The following DCP1B variants were observed in gnomAD, a reference collection of about 807,000 sequenced individuals.
The protein encoded by DCP1B is decapping mRNA 1B, also known as mRNA-decapping enzyme 1B.
Under a neutral mutation model 60.5 loss-of-function variants are expected in DCP1B, and 47 were observed. That is an observed-to-expected ratio of 0.78 (90% CI 0.61 to 0.99). The LOEUF (loss-of-function observed/expected upper bound fraction) is 0.99, where lower values mean the gene tolerates loss of function less well. DCP1B is among the 50% of genes least tolerant of loss of function. The probability of loss-of-function intolerance (pLI) is 0.00; values close to 1 mark genes in which losing one functional copy is unlikely to be tolerated. For synonymous variants in DCP1B, 267 were observed against 280.3 expected (o/e 0.95, Z 0.47); for missense variants, 725 against 756.8 (o/e 0.96, Z 0.49).
chr12:2,003,597 A>G (rs2042682686), intron 1 of DCP1B, among the ~76,000 whole-genome samples: 1 of 152,204 alleles, frequency 6.6e-6, no homozygotes, highest in Non-Finnish European at 1.5e-5. Context: ...TCATTCCATT[A>G]CCATTTACTG....
At chr12:1,993,105 T>G (rs112637373) in intron 3 of DCP1B, 159 bp downstream of exon 3, 30,720 of 914,846 alleles carry the variant, frequency 0.034, 693 homozygotes, top group Middle Eastern at 0.08. Context: ...TATTCCATCA[T>G]TAGGGCATGC....
intron 3 of DCP1B, among the ~76,000 whole-genome samples, chr12:1,986,395 G>A (rs77778833): frequency 6.6e-6 from 1 of 152,070 alleles, no homozygotes; most frequent in South Asian, 2.1e-4. Flanking sequence ...TTATCTCAGG[G>A]TTTTAGACTC....
At chr12:1,953,674 A>C (rs1024603714) in intron 6 of DCP1B, among the ~76,000 whole-genome samples, 8 of 152,248 alleles carry the variant, frequency 5.3e-5, no homozygotes, top group African/African-American at 1.9e-4. Flanking sequence ...ACAAAGGAAT[A>C]TAAGCATTTC....
intron 4 of DCP1B, chr12:1,966,106 C>G (rs187439262): frequency 6.4e-6 from 1 of 156,986 alleles, no homozygotes; most frequent in Non-Finnish European, 1.4e-5. Context: ...GAAGAGTTTG[C>G]CAACTCCTCA....
At chr12:1,994,989 G>A (rs1192899945) in intron 2 of DCP1B, among the ~76,000 whole-genome samples, 10 of 147,318 alleles carry the variant, frequency 6.8e-5, no homozygotes, top group African/African-American at 2.3e-4. Flanking sequence ...GGATCTGGGA[G>A]GTTTTTGTTT....
Position 1,955,452 on chromosome 12 carries a change from G to T in DCP1B, c.631C>A (p.Arg211Ser). 6.2e-7 allele frequency: 1 copy of T among 1,613,566 alleles called. No individual in the cohort carries two copies. The highest frequency in any genetic ancestry group is 8.5e-7 in the Non-Finnish European group (1 of 1,179,622). Residue 211 changes from arginine (R) to serine (S), a missense_variant, in exon 6 of 9, where the codon CGT (arginine) becomes AGT (serine). Transcript: ENST00000280665. ...PVKPSENQQQ[R>S]IPQPNQTLDP... is the part of the protein sequence containing the mutation. ...CGTACCTGGTTGGGCTGAGGTATAC[G>T]CTGTTGCTGGTTTTCACTGGGTTTC...
intron 5 of DCP1B, among the ~76,000 whole-genome samples, chr12:1,958,492 T>C (rs1364150868): frequency 2.2e-5 from 3 of 138,336 alleles, no homozygotes; most frequent in Non-Finnish European, 3.1e-5. Flanking sequence ...ATAAACCTCC[T>C]GGAAGAAGAC....
intron 3 of DCP1B, among the ~76,000 whole-genome samples, chr12:1,976,968 G>T (rs1466834259): frequency 6.6e-6 from 1 of 152,078 alleles, no homozygotes; most frequent in Non-Finnish European, 1.5e-5. Context: ...AGAAGATTAG[G>T]AACTACTATT....
intron 5 of DCP1B, among the ~76,000 whole-genome samples, chr12:1,958,601 T>C (rs1278474736): frequency 6.7e-6 from 1 of 149,792 alleles, no homozygotes; most frequent in African/African-American, 2.5e-5. Flanking sequence ...CTCTGGGCAA[T>C]GACTTTTTCT....
At position 1,955,528 on chromosome 12, in the gene DCP1B, G is replaced by A. The variant is rs760976740; in HGVS notation, c.555C>T (p.Thr185=). The part of the protein sequence containing the change: ...CKTCSEPKKI[T]SSSAIYDNPN... Reference sequence around the variant, plus strand: ...GATTGTCATAGATGGCAGAGGAACTGGTTATCTTTTTTGGCTCAGAACAGG... The same window carrying A: ...GATTGTCATAGATGGCAGAGGAACTAGTTATCTTTTTTGGCTCAGAACAGG... Residue 185 remains threonine (T), a synonymous_variant, in exon 6 of 9, where the codon ACC becomes ACT. Coordinates refer to ENST00000280665, the MANE Select transcript of DCP1B (RefSeq NM_152640.5). 1 of 1,613,536 alleles carries A rather than the reference G, an allele frequency of 6.2e-7. No individual in the cohort carries two copies. Among genetic ancestry groups the A allele is most frequent in the African/African-American group, 1.3e-5 (1 of 74,884 alleles).
intron 3 of DCP1B, among the ~76,000 whole-genome samples, chr12:1,989,923 ATCTC>A (rs1260708334): frequency 1.3e-5 from 2 of 152,210 alleles, no homozygotes; most frequent in Non-Finnish European, 2.9e-5. Flanking sequence ...GTAAAAACTA[ATCTC>A]TCTAATAACT....
downstream of DCP1B, among the ~76,000 whole-genome samples, chr12:1,941,640 T>C (rs1285610495): frequency 6.6e-6 from 1 of 152,018 alleles, no homozygotes; most frequent in African/African-American, 2.4e-5. Context: ...CGTGGATTTA[T>C]CTTTGACACT....
At chr12:1,999,750 A>T (rs1378010303) in intron 1 of DCP1B, among the ~76,000 whole-genome samples, 1 of 152,176 alleles carries the variant, frequency 6.6e-6, no homozygotes, top group Non-Finnish European at 1.5e-5. Context: ...ATAAATAACA[A>T]TTAAAACAAC....
Position 1,952,569 on chromosome 12 carries a change from C to A in DCP1B, c.1371G>T (p.Gln457His). The A allele has an allele frequency of 6.2e-7, 1 of 1,614,198 alleles. No individual in the cohort carries two copies. The highest frequency in any genetic ancestry group is 8.5e-7 in the Non-Finnish European group (1 of 1,180,040). ...GCAGCTGCTGCTCCTGCTGTACAAT[C>A]TGAAGCTTCTTCAGTAACTCTTGAG... is the stretch of plus-strand genomic sequence containing the variant. ...ISPQELLKKL[Q>H]IVQQEQQLHA... is the part of the protein sequence containing the mutation. Residue 457 changes from glutamine to histidine, a missense_variant, in exon 7 of 9, where the codon CAG (glutamine) becomes CAT (histidine). Coordinates refer to ENST00000280665, the MANE Select transcript of DCP1B (RefSeq NM_152640.5).
At chr12:1,978,180 G>A (rs186492246) in intron 3 of DCP1B, among the ~76,000 whole-genome samples, 2 of 152,296 alleles carry the variant, frequency 1.3e-5, no homozygotes, top group African/African-American at 4.8e-5. Flanking sequence ...CCCAGAGAAA[G>A]GGGGCATAGC....
At position 1,967,159 on chromosome 12, in the gene DCP1B, C is replaced by T. The variant is rs112060739; in HGVS notation, c.386+685G>A. ...ACTGCAGAGCAGAGAACAAGCCCTC[C>T]TCTTTCAACGCAATCAGGGAAGCCA... is the stretch of plus-strand genomic sequence containing the variant. On this transcript the variant is annotated intron_variant, in intron 4 of 8. Transcript: ENST00000280665. Among the ~76,000 whole-genome samples, 243 of 152,346 alleles carry T rather than the reference C, an allele frequency of 1.6e-3. 3 individuals carry two copies. Among genetic ancestry groups the T allele is most frequent in the African/African-American group, 5.3e-3 (222 of 41,574 alleles).
At position 1,962,909 on chromosome 12, in the gene DCP1B, T is replaced by C. The variant is rs1236431310; in HGVS notation, c.522+2649A>G. On this transcript the variant is annotated intron_variant, in intron 5 of 8. Coordinates refer to ENST00000280665, the MANE Select transcript of DCP1B (RefSeq NM_152640.5). The surrounding 1 kb of genome is among the most constrained non-coding windows in gnomAD (Gnocchi z 4.4). The stretch of plus-strand genomic sequence containing the variant: ...AGCTCACAGTCAAGGCAAAGCATGT[T>C]AAAGAAACTTGTCTAACTGCCTATA... 6.6e-6 allele frequency among the ~76,000 whole-genome samples: 1 copy of C among 152,222 alleles called. No homozygotes were observed. The highest frequency in any genetic ancestry group is 1.5e-5 in the Non-Finnish European group (1 of 68,030).
chr12:1,952,815 T>C lies in DCP1B; in HGVS notation c.1125A>G (p.Ala375=). The change falls in exon 7 of 9, where the codon GCA becomes GCG. Residue 375 remains alanine, a synonymous_variant. Transcript: ENST00000280665. ...AANKCDPSTP[A]PASSAALNRS... The stretch of plus-strand genomic sequence containing the variant: ...GGTTCAGGGCAGCTGAGCTGGCAGG[T>C]GCTGGTGTACTAGGGTCACACTTGT... The C allele has an allele frequency of 6.2e-6, 10 of 1,614,122 alleles. No homozygotes were observed. The highest frequency in any genetic ancestry group is 8.5e-6 in the Non-Finnish European group (10 of 1,180,010).
intron 7 of DCP1B, chr12:1,950,422 A>G: frequency 2.8e-6 from 2 of 702,176 alleles, no homozygotes; most frequent in South Asian, 3.0e-5. Flanking sequence ...AAGTCAGACT[A>G]TATTCATCGC....
Sources: allele counts gnomAD v4.1 joint callset (sites outside exome capture counted in the v4.1 genomes callset), GRCh38; gene constraint gnomAD v4.1.1; non-coding constraint Gnocchi (gnomAD v3.1); transcripts MANE v1.5; gene names NCBI Gene and HGNC (gene_info 2026-07-23, HGNC 2026-07-21).